CHCHD3: variants seen among roughly 807,000 people sequenced by gnomAD.
CHCHD3 encodes MICOS complex subunit MIC19.
CHCHD3 carries 20 observed loss-of-function variants against 38.2 expected under a neutral mutation model. The observed-to-expected ratio is 0.52, with a 90% CI of 0.37 to 0.76. The LOEUF is 0.76. CHCHD3 is among the 30% of genes least tolerant of loss of function. The pLI is 0.00. For synonymous variants in CHCHD3, 82 were observed against 100.0 expected (o/e 0.82, Z 1.07); for missense variants, 245 against 279.2 (o/e 0.88, Z 0.87).
At chr7:132,902,516 CT>C (rs1809695417) in intron 4 of CHCHD3, among the ~76,000 whole-genome samples, 1 of 152,140 alleles carries the variant, frequency 6.6e-6, no homozygotes, top group Non-Finnish European at 1.5e-5. Context: ...ATGTCCTTTG[CT>C]GGGACATGGA....
rs771617543 is a variant in CHCHD3 at position 133,035,529 on chromosome 7, G to C, written c.170-10902C>G. ...CAGAATTCGCCTCACTTCCTCCTTT[G>C]CATTCTCAGTGGCCTGTTTGTTGTG... is the stretch of plus-strand genomic sequence containing the variant. On this transcript the variant is annotated intron_variant, in intron 2 of 7. Coordinates refer to ENST00000262570, the MANE Select transcript of CHCHD3 (RefSeq NM_017812.4). The surrounding 1 kb of genome is among the most constrained non-coding windows in gnomAD (Gnocchi z 4.7). The C allele has an allele frequency of 6.2e-7, 1 of 1,613,490 alleles. No individual in the cohort carries two copies. Among genetic ancestry groups the C allele is most frequent in the East Asian group, 2.2e-5 (1 of 44,882 alleles).
intron 4 of CHCHD3, among the ~76,000 whole-genome samples, chr7:132,960,572 T>A (rs1042089191): frequency 1.3e-5 from 2 of 152,200 alleles, no homozygotes; most frequent in Admixed American, 6.5e-5. Context: ...AACTTTCTAA[T>A]GATGCCACTG....
intron 2 of CHCHD3, among the ~76,000 whole-genome samples, chr7:133,048,780 CA>C (rs962038544): frequency 3.3e-5 from 5 of 152,240 alleles, no homozygotes; most frequent in Admixed American, 2.6e-4. Flanking sequence ...AAGCGGGCCG[CA>C]AAAGATATAT....
intron 5 of CHCHD3, among the ~76,000 whole-genome samples, chr7:132,877,606 G>T (rs1370011472): frequency 6.6e-6 from 1 of 152,180 alleles, no homozygotes; most frequent in Non-Finnish European, 1.5e-5. Context: ...AAAATTGAGA[G>T]TAACTCAATG....
intron 4 of CHCHD3, among the ~76,000 whole-genome samples, chr7:132,916,139 C>T (rs996176281): frequency 2.6e-5 from 4 of 151,950 alleles, no homozygotes; most frequent in African/African-American, 7.3e-5. Context: ...GTTAAACAAC[C>T]CTTCTCATCT....
chr7:132,840,169 T>C (rs1041861665), intron 5 of CHCHD3, among the ~76,000 whole-genome samples: 3 of 152,232 alleles, frequency 2.0e-5, no homozygotes, highest in African/African-American at 7.2e-5. Flanking sequence ...CCTTCCTATC[T>C]GTTTCACTTA....
intron 4 of CHCHD3, among the ~76,000 whole-genome samples, chr7:132,926,599 G>C (rs1810384650): frequency 6.6e-6 from 1 of 152,012 alleles, no homozygotes; most frequent in Non-Finnish European, 1.5e-5. Flanking sequence ...CTGCACTTTT[G>C]ATATATAGTC....
intron 4 of CHCHD3, among the ~76,000 whole-genome samples, chr7:132,928,344 G>C (rs183106853): frequency 7.9e-5 from 12 of 152,300 alleles, no homozygotes; most frequent in Admixed American, 2.0e-4. Context: ...GAATAGAATT[G>C]CATCACAAGT....
intron 4 of CHCHD3, among the ~76,000 whole-genome samples, chr7:132,943,409 C>A (rs1220040874): frequency 1.3e-5 from 2 of 151,896 alleles, no homozygotes; most frequent in African/African-American, 4.8e-5. Flanking sequence ...ATTCAAAGAC[C>A]AGAAACAGCC....
Position 133,026,674 on chromosome 7 carries a change from G to A in CHCHD3, c.170-2047C>T, listed in dbSNP as rs183516697. On this transcript the variant is annotated intron_variant, in intron 2 of 7. Transcript: ENST00000262570. Reference sequence around the variant, plus strand: ...CAAACAAAATGTGGTATATCCATTCGATATAATATTATTCAGCCATAAAAA... The same window carrying A: ...CAAACAAAATGTGGTATATCCATTCAATATAATATTATTCAGCCATAAAAA... Among the ~76,000 whole-genome samples, 6 of 152,202 alleles carry A rather than the reference G, an allele frequency of 3.9e-5. No homozygotes were observed. In the East Asian group the frequency reaches 9.6e-4, roughly 24 times the overall value.
At chr7:132,875,083 T>C (rs951109289) in intron 5 of CHCHD3, among the ~76,000 whole-genome samples, 1 of 152,144 alleles carries the variant, frequency 6.6e-6, no homozygotes, top group African/African-American at 2.4e-5. Flanking sequence ...GGTACTAGCA[T>C]TATTCAGGGC....
At chr7:132,899,852 C>A (rs924619012) in intron 4 of CHCHD3, among the ~76,000 whole-genome samples, 1 of 152,204 alleles carries the variant, frequency 6.6e-6, no homozygotes, top group Non-Finnish European at 1.5e-5. Context: ...ACATTTCATG[C>A]GTTACATTTA....
intron 4 of CHCHD3, among the ~76,000 whole-genome samples, chr7:132,959,147 G>C (rs943439151): frequency 1.3e-5 from 2 of 152,222 alleles, no homozygotes; most frequent in Non-Finnish European, 2.9e-5. Flanking sequence ...TAACCTGGCA[G>C]TAGCCTCAAA....
chr7:132,902,440 T>A (rs902434564), intron 4 of CHCHD3, among the ~76,000 whole-genome samples: 2 of 152,312 alleles, frequency 1.3e-5, no homozygotes, highest in Non-Finnish European at 1.5e-5. Flanking sequence ...AATGATAGAC[T>A]GGATTAAGAA....
intron 5 of CHCHD3, among the ~76,000 whole-genome samples, chr7:132,877,180 T>G (rs564547966): frequency 6.6e-6 from 1 of 152,234 alleles, no homozygotes; most frequent in South Asian, 2.1e-4. Context: ...AGAAAAAAAG[T>G]AAGTCTCATA....
At chr7:133,042,458 T>C (rs958938944) in intron 2 of CHCHD3, among the ~76,000 whole-genome samples, 1 of 152,092 alleles carries the variant, frequency 6.6e-6, no homozygotes, top group Non-Finnish European at 1.5e-5. Flanking sequence ...ACTCAAACCA[T>C]CCTTATCCCA....
Position 133,078,014 on chromosome 7 carries a change from A to G in CHCHD3, c.81+3843T>C, listed in dbSNP as rs546828589. ...TCAACAATATAGAGAAACACAATCTATTAATAAATTCAGCCAGGTGTGGAG... is the reference window on the plus strand; with the variant it reads ...TCAACAATATAGAGAAACACAATCTGTTAATAAATTCAGCCAGGTGTGGAG... On this transcript the variant is annotated intron_variant, in intron 1 of 7. Transcript: ENST00000262570. Among the ~76,000 whole-genome samples, 3 of 152,314 alleles carry G rather than the reference A, an allele frequency of 2.0e-5. No individual in the cohort carries two copies. The South Asian group carries it at 6.2e-4, about 32-fold the overall frequency.
At chr7:133,019,312 G>C (rs10277418) in intron 3 of CHCHD3, among the ~76,000 whole-genome samples, 56,524 of 151,862 alleles carry the variant, frequency 0.37, 10,676 homozygotes, top group Admixed American at 0.43. Context: ...TTCAAAGGCA[G>C]AACATATGTA....
Position 133,055,025 on chromosome 7 carries a change from G to A in CHCHD3, c.169+15117C>T, listed in dbSNP as rs376158314. Among the ~76,000 whole-genome samples the A allele has an allele frequency of 3.9e-5, 6 of 151,948 alleles. No homozygotes were observed. In the East Asian group the frequency reaches 7.7e-4, roughly 20 times the overall value. ...CTAACAGAGTTATAAATAAGTAACC[G>A]TTTTTAAAATGTAGAGGGGCCTGGC... On this transcript the variant is annotated intron_variant, in intron 2 of 7. Coordinates refer to ENST00000262570, the MANE Select transcript of CHCHD3 (RefSeq NM_017812.4).
Sources: gnomAD v4.1 joint callset for allele counts (sites outside exome capture counted in the v4.1 genomes callset) on GRCh38, gnomAD v4.1.1 for gene constraint, Gnocchi (gnomAD v3.1) non-coding constraint, MANE v1.5 for transcripts, NCBI Gene and HGNC (gene_info 2026-07-23, HGNC 2026-07-21) for gene names.